FAF1: variants seen among roughly 807,000 people sequenced by gnomAD.
FAF1 encodes FAS-associated factor 1.
A neutral mutation model predicts 92.5 loss-of-function variants in FAF1; 25 were observed. That is an observed-to-expected ratio of 0.27 (90% CI 0.20 to 0.38). FAF1 has a LOEUF of 0.38. FAF1 is among the 10% of genes least tolerant of loss of function. FAF1 has a pLI of 1.00. For synonymous variants in FAF1, 234 were observed against 273.2 expected, an observed-to-expected ratio of 0.86 and a Z score of 1.42; for missense variants, 636 against 793.3, an observed-to-expected ratio of 0.80 and a Z score of 2.38.
intron 18 of FAF1, among the ~76,000 whole-genome samples, chr1:50,447,416 C>T (rs972937973): frequency 1.6e-4 from 24 of 152,162 alleles, no homozygotes; most frequent in African/African-American, 3.6e-4. Flanking sequence ...TGAGCCACCG[C>T]GCCTGGCCTA....
chr1:50,581,314 T>G (rs549070361), intron 12 of FAF1, among the ~76,000 whole-genome samples: 6 of 152,332 alleles, frequency 3.9e-5, no homozygotes, highest in African/African-American at 1.4e-4. Flanking sequence ...TTTTTAAAAT[T>G]TATTTTTAAA....
At chr1:50,829,189 C>A (rs188378043) in intron 2 of FAF1, among the ~76,000 whole-genome samples, 1 of 152,194 alleles carries the variant, frequency 6.6e-6, no homozygotes, top group Admixed American at 6.5e-5. Flanking sequence ...ATAGGTTGTA[C>A]TGACAACCAC....
rs190719588 is a variant in FAF1 at position 50,648,252 on chromosome 1, C to T, written c.744+7190G>A. On this transcript the variant is annotated intron_variant, in intron 8 of 18. Coordinates refer to ENST00000396153, the MANE Select transcript of FAF1 (RefSeq NM_007051.3). ...CAGCCTGGGTGACAAGAGTGAAACT[C>T]CGTCTCAAAACAAAACAAAACAAAA... 5.5e-3 allele frequency among the ~76,000 whole-genome samples: 832 copies of T among 152,024 alleles called. 3 individuals are homozygous for T. Among genetic ancestry groups the T allele is most frequent in the Middle Eastern group, 0.017 (5 of 294 alleles).
rs533360436 is a variant in FAF1 at position 50,475,668 on chromosome 1, C to T, written c.1665G>A (p.Leu555=). The change falls in exon 18 of 19, where the codon CTG becomes CTA. Residue 555 remains leucine (L), a synonymous_variant. Transcript: ENST00000396153. Reference sequence around the variant, plus strand: ...CAGGAGGCAGGGCTTGCTCTAAGGACAGCCGGATGGCCTAGGGAGAGCAAA... The same window carrying T: ...CAGGAGGCAGGGCTTGCTCTAAGGATAGCCGGATGGCCTAGGGAGAGCAAA... ...EQEEEREAIR[L]SLEQALPPEP... 76 of 1,613,480 alleles carry T rather than the reference C, an allele frequency of 4.7e-5. No individual in the cohort carries two copies. The South Asian group carries it at 8.0e-4, about 17-fold the overall frequency.
At chr1:50,493,599 T>A (rs1646865177) in intron 15 of FAF1, among the ~76,000 whole-genome samples, 1 of 152,224 alleles carries the variant, frequency 6.6e-6, no homozygotes, top group Admixed American at 6.5e-5. Flanking sequence ...AATTATTTAT[T>A]TAATGCTAAA....
At chr1:50,479,396 C>T (rs898947309) in intron 17 of FAF1, among the ~76,000 whole-genome samples, 2 of 152,164 alleles carry the variant, frequency 1.3e-5, no homozygotes, top group East Asian at 1.9e-4. Context: ...GCCATCTTGG[C>T]GCTGTCCCTG....
chr1:50,710,672 G>A (rs374704139), intron 6 of FAF1, among the ~76,000 whole-genome samples: 277 of 151,326 alleles, frequency 1.8e-3, no homozygotes, highest in African/African-American at 6.4e-3. Flanking sequence ...GTGCGACCTC[G>A]GCTCACTGAA....
chr1:50,500,419 A>G (rs1646969980), intron 15 of FAF1, among the ~76,000 whole-genome samples: 1 of 152,116 alleles, frequency 6.6e-6, no homozygotes, highest in Non-Finnish European at 1.5e-5. Flanking sequence ...AAAAAGGAAA[A>G]CCTTTTAAAC....
chr1:50,603,272 C>T (rs188249341), intron 8 of FAF1, among the ~76,000 whole-genome samples: 3 of 152,288 alleles, frequency 2.0e-5, no homozygotes, highest in Admixed American at 2.0e-4. Flanking sequence ...CATGACAACT[C>T]TGTAAATTAA....
chr1:50,511,383 T>G (rs1377969396), intron 15 of FAF1, among the ~76,000 whole-genome samples: 1 of 152,128 alleles, frequency 6.6e-6, no homozygotes, highest in Admixed American at 6.5e-5. Context: ...CTCCTAATGC[T>G]ATCCCTCCCC....
intron 8 of FAF1, among the ~76,000 whole-genome samples, chr1:50,639,809 CT>C (rs1654232994): frequency 6.6e-6 from 1 of 151,670 alleles, no homozygotes; most frequent in African/African-American, 2.4e-5. Flanking sequence ...TGGCATGCAC[CT>C]GTAGTCCCAG....
At chr1:50,549,301 G>A (rs985843102) in intron 13 of FAF1, among the ~76,000 whole-genome samples, 2 of 151,960 alleles carry the variant, frequency 1.3e-5, no homozygotes, top group African/African-American at 4.8e-5. Context: ...TAGAGACTTT[G>A]TTTTTTGTTT....
chr1:50,818,861 T>C (rs188557875), intron 2 of FAF1, among the ~76,000 whole-genome samples: 174 of 152,178 alleles, frequency 1.1e-3, no homozygotes, highest in African/African-American at 4.0e-3. Context: ...AAAAGAAATC[T>C]TGGAGATGGG....
At chr1:50,612,635 G>A (rs1375893890) in intron 8 of FAF1, 5 of 248,232 alleles carry the variant, frequency 2.0e-5, no homozygotes, top group African/African-American at 1.2e-4. Context: ...CTAATTCCTT[G>A]GCAAAACCTA....
chr1:50,818,388 A>G (rs1188099978), intron 2 of FAF1, among the ~76,000 whole-genome samples: 1 of 152,222 alleles, frequency 6.6e-6, no homozygotes, highest in African/African-American at 2.4e-5. Context: ...TATTCCCACA[A>G]TTCCACTCTT....
At chr1:50,502,950 A>G (rs997314937) in intron 15 of FAF1, among the ~76,000 whole-genome samples, 9 of 151,784 alleles carry the variant, frequency 5.9e-5, no homozygotes, top group Non-Finnish European at 1.0e-4. Flanking sequence ...TCAGCCTCTG[A>G]GGAGCTTGGA....
At chr1:50,778,880 G>A (rs528978817) in intron 4 of FAF1, among the ~76,000 whole-genome samples, 4 of 151,734 alleles carry the variant, frequency 2.6e-5, no homozygotes, top group Admixed American at 1.3e-4. Flanking sequence ...TTGCTGCATC[G>A]ATTAACTTCC....
At chr1:50,663,629 T>C (rs940873732) in intron 7 of FAF1, among the ~76,000 whole-genome samples, 4 of 151,420 alleles carry the variant, frequency 2.6e-5, no homozygotes, top group Non-Finnish European at 5.9e-5. Context: ...GGTCTCGAAC[T>C]CCTGACCTCG....
intron 6 of FAF1, among the ~76,000 whole-genome samples, chr1:50,710,597 A>G (rs1247885944): frequency 6.6e-6 from 1 of 151,846 alleles, no homozygotes; most frequent in Non-Finnish European, 1.5e-5. Flanking sequence ...TGAATATTAC[A>G]TTTAAAAACC....
Sources: gnomAD v4.1 joint callset for allele counts (sites outside exome capture counted in the v4.1 genomes callset) on GRCh38, gnomAD v4.1.1 for gene constraint, MANE v1.5 for transcripts, NCBI Gene and HGNC (gene_info 2026-07-23, HGNC 2026-07-21) for gene names.